The following RPS6KC1 variants were observed in gnomAD, a reference collection of about 807,000 sequenced individuals.
RPS6KC1 encodes ribosomal protein S6 kinase C1.
A neutral mutation model predicts 103.8 loss-of-function variants in RPS6KC1; 54 were observed. That is an observed-to-expected ratio of 0.52 (90% CI 0.42 to 0.65). RPS6KC1 has a LOEUF of 0.65. RPS6KC1 is among the 30% of genes least tolerant of loss of function. RPS6KC1 has a pLI of 0.00. For missense variants in RPS6KC1, 1,151 were observed against 1,253.8 expected (o/e 0.92, Z 1.24); for synonymous variants, 439 against 438.7 (o/e 1.00, Z -0.01).
At chr1:213,491,604 C>T in the RPS6KC1 span, among the ~76,000 whole-genome samples, 7 of 152,120 alleles carry the variant, frequency 4.6e-5, no homozygotes, top group Admixed American at 3.3e-4. Context: ...AGGAGCAAGG[C>T]GTTGCCTTTG....
intron 8 of RPS6KC1, among the ~76,000 whole-genome samples, chr1:213,182,768 C>CATATATATCGATATATATGATAT (rs1290439528): frequency 6.8e-6 from 1 of 147,946 alleles, no homozygotes; most frequent in African/African-American, 2.5e-5. Context: ...TATCATGATA[C>CATATATATCGATATATATGATAT]ATATATATCG....
At chr1:213,229,794 A>G (rs1422375682) in intron 8 of RPS6KC1, among the ~76,000 whole-genome samples, 1 of 152,202 alleles carries the variant, frequency 6.6e-6, no homozygotes, top group African/African-American at 2.4e-5. Context: ...GAAGAGTGCC[A>G]TGTTCTAACT....
the RPS6KC1 span, among the ~76,000 whole-genome samples, chr1:213,514,591 G>T: frequency 2.0e-5 from 3 of 152,066 alleles, no homozygotes; most frequent in Admixed American, 2.0e-4. Context: ...AGTATTCCAT[G>T]GTGTATATGT....
the RPS6KC1 span, among the ~76,000 whole-genome samples, chr1:213,371,596 G>T: frequency 6.6e-6 from 1 of 152,140 alleles, no homozygotes. Context: ...ACATCTTCTT[G>T]TTACTTTCTG....
the RPS6KC1 span, among the ~76,000 whole-genome samples, chr1:213,572,088 G>A: frequency 1.3e-5 from 2 of 152,316 alleles, no homozygotes. Context: ...GATGCAGAGA[G>A]GCAAGACAAA....
chr1:213,484,906 A>G, the RPS6KC1 span, among the ~76,000 whole-genome samples: 1 of 152,188 alleles, frequency 6.6e-6, no homozygotes, highest in Non-Finnish European at 1.5e-5. Flanking sequence ...TCTGTGACCC[A>G]GGCTGGAATG....
At chr1:213,127,228 T>C (rs1428417003) in intron 5 of RPS6KC1, among the ~76,000 whole-genome samples, 1 of 152,190 alleles carries the variant, frequency 6.6e-6, no homozygotes, top group Non-Finnish European at 1.5e-5. Context: ...TTTCACCATA[T>C]TGACATTTGC....
the RPS6KC1 span, among the ~76,000 whole-genome samples, chr1:213,363,711 T>G: frequency 8.0e-5 from 9 of 113,088 alleles, no homozygotes; most frequent in East Asian, 6.2e-4. Context: ...TCCTTCTTTC[T>G]TTCTTTCTTT....
intron 3 of RPS6KC1, among the ~76,000 whole-genome samples, chr1:213,084,094 A>G (rs2080155787): frequency 6.6e-6 from 1 of 151,782 alleles, no homozygotes; most frequent in African/African-American, 2.4e-5. Flanking sequence ...TATCCCATTT[A>G]CTTTATCATT....
At chr1:213,604,800 G>T in the RPS6KC1 span, among the ~76,000 whole-genome samples, 2 of 152,194 alleles carry the variant, frequency 1.3e-5, no homozygotes, top group Non-Finnish European at 2.9e-5. Context: ...AGCCATTGGA[G>T]ACCTGGGAAA....
At chr1:213,827,569 G>GA in the RPS6KC1 span, among the ~76,000 whole-genome samples, 2 of 148,790 alleles carry the variant, frequency 1.3e-5, no homozygotes, top group African/African-American at 4.9e-5. Flanking sequence ...CAACTTCAAA[G>GA]AAAAAAAAAA....
At chr1:213,804,428 C>G in the RPS6KC1 span, among the ~76,000 whole-genome samples, 1 of 152,130 alleles carries the variant, frequency 6.6e-6, no homozygotes, top group Non-Finnish European at 1.5e-5. Context: ...CAGGCACTCT[C>G]AGGCTTTTGC....
chr1:213,550,232 G>A, the RPS6KC1 span, among the ~76,000 whole-genome samples: 4 of 152,272 alleles, frequency 2.6e-5, no homozygotes, highest in African/African-American at 4.8e-5. Flanking sequence ...GTAACATTGC[G>A]GTGTCAGACC....
the RPS6KC1 span, among the ~76,000 whole-genome samples, chr1:213,327,838 C>G: frequency 6.6e-6 from 1 of 152,148 alleles, no homozygotes; most frequent in Non-Finnish European, 1.5e-5. Flanking sequence ...TTGCTGTTCC[C>G]TCTGCCAGAC....
chr1:213,791,982 G>A, the RPS6KC1 span, among the ~76,000 whole-genome samples: 9 of 152,180 alleles, frequency 5.9e-5, no homozygotes, highest in Non-Finnish European at 1.0e-4. Flanking sequence ...AAGTGCAGTG[G>A]CATTTTGATG....
At chr1:213,788,703 CA>C in the RPS6KC1 span, among the ~76,000 whole-genome samples, 1 of 152,194 alleles carries the variant, frequency 6.6e-6, no homozygotes, top group East Asian at 1.9e-4. Flanking sequence ...GCCCAAGCTA[CA>C]AAATCTCTCT....
intron 1 of RPS6KC1, among the ~76,000 whole-genome samples, chr1:213,054,116 G>T (rs1320511582): frequency 6.6e-6 from 1 of 152,182 alleles, no homozygotes; most frequent in Non-Finnish European, 1.5e-5. Flanking sequence ...GATTACAGGC[G>T]TGAGCCACCG....
chr1:213,555,113 C>T, the RPS6KC1 span, among the ~76,000 whole-genome samples: 10 of 152,180 alleles, frequency 6.6e-5, no homozygotes, highest in Admixed American at 2.0e-4. Context: ...AGAAAGCTCT[C>T]ATCATAAAAT....
chr1:213,513,912 C>T, the RPS6KC1 span, among the ~76,000 whole-genome samples: 14,227 of 152,192 alleles, frequency 0.093, 835 homozygotes, highest in Middle Eastern at 0.14. Context: ...TGGAATCTTG[C>T]GCTGGAGTGC....
Sources: allele counts gnomAD v4.1 joint callset (sites outside exome capture counted in the v4.1 genomes callset), GRCh38; gene constraint gnomAD v4.1.1; transcripts MANE v1.5; gene names NCBI Gene and HGNC (gene_info 2026-07-23, HGNC 2026-07-21).